Variants in SNX30 observed in about 807,000 individuals in gnomAD.
SNX30 encodes sorting nexin family member 30.
Under a neutral mutation model 46.4 loss-of-function variants are expected in SNX30, and 24 were observed. That is an observed-to-expected ratio of 0.52 (90% CI 0.37 to 0.73). The LOEUF (loss-of-function observed/expected upper bound fraction) is 0.73. Among genes scored for constraint, SNX30 ranks in the 30% least tolerant of loss-of-function variants. The probability of loss-of-function intolerance (pLI) is 0.00; values close to 1 mark genes in which losing one functional copy is unlikely to be tolerated. For synonymous variants in SNX30, 189 were observed against 211.5 expected, an observed-to-expected ratio of 0.89 and a Z score of 0.92; for missense variants, 533 against 555.7, an observed-to-expected ratio of 0.96 and a Z score of 0.41.
intron 7 of SNX30, among the ~76,000 whole-genome samples, chr9:112,859,461 A>G (rs1841192985): frequency 6.6e-6 from 1 of 152,162 alleles, no homozygotes; most frequent in Non-Finnish European, 1.5e-5. Context: ...ATTTCTTTGG[A>G]TATGTACTCA....
intron 3 of SNX30, among the ~76,000 whole-genome samples, chr9:112,827,230 G>GT (rs1840591765): frequency 6.6e-6 from 1 of 152,152 alleles, no homozygotes; most frequent in South Asian, 2.1e-4. Context: ...ACTTGTGTGT[G>GT]TTTACCCTGT....
intron 1 of SNX30, among the ~76,000 whole-genome samples, chr9:112,773,488 C>A (rs1839686353): frequency 6.6e-6 from 1 of 151,878 alleles, no homozygotes; most frequent in Non-Finnish European, 1.5e-5. Flanking sequence ...CTCCTGGGCT[C>A]AAGCAATCTT....
chr9:112,790,834 G>C (rs563266954), intron 1 of SNX30, among the ~76,000 whole-genome samples: 2 of 152,274 alleles, frequency 1.3e-5, no homozygotes, highest in South Asian at 4.1e-4. Context: ...ACAAATTTTA[G>C]ATAATTTGGG....
chr9:112,780,528 T>C (rs1300093400), intron 1 of SNX30, among the ~76,000 whole-genome samples: 2 of 152,164 alleles, frequency 1.3e-5, no homozygotes, highest in Non-Finnish European at 2.9e-5. Context: ...AAGCCTTCTA[T>C]TTGCACTTCT....
chr9:112,841,501 G>A (rs1179389272), intron 6 of SNX30, among the ~76,000 whole-genome samples: 1 of 152,184 alleles, frequency 6.6e-6, no homozygotes, highest in Non-Finnish European at 1.5e-5. Flanking sequence ...TCTTGTCTGG[G>A]GAAGGGCATG....
chr9:112,753,359 G>A (rs923522844), intron 1 of SNX30, among the ~76,000 whole-genome samples: 1 of 152,054 alleles, frequency 6.6e-6, no homozygotes, highest in East Asian at 1.9e-4. Flanking sequence ...AGGAGGGAGA[G>A]TCTTGAAGGC....
chr9:112,861,557 TG>T (rs1405192887), intron 7 of SNX30, among the ~76,000 whole-genome samples: 1 of 152,106 alleles, frequency 6.6e-6, no homozygotes, highest in East Asian at 1.9e-4. Flanking sequence ...GGAGGAAGTG[TG>T]GGGCTTTTTC....
Position 112,857,294 on chromosome 9 carries a change from C to G in SNX30, c.1101+6349C>G, listed in dbSNP as rs534860698. Among the ~76,000 whole-genome samples, 72 of 152,312 alleles carry G rather than the reference C, an allele frequency of 4.7e-4. 1 individual carries two copies. Among genetic ancestry groups the G allele is most frequent in the African/African-American group, 1.7e-3 (71 of 41,566 alleles). The stretch of plus-strand genomic sequence containing the variant: ...ATTAAAAAAGCATTCATTCAGAGAG[C>G]CACTGACTTTCTATTTGCCCAATTC... On this transcript the variant is annotated intron_variant, in intron 7 of 8. Coordinates refer to ENST00000374232, the MANE Select transcript of SNX30 (RefSeq NM_001012994.2).
chr9:112,858,302 C>G (rs555824277), intron 7 of SNX30, among the ~76,000 whole-genome samples: 2 of 152,090 alleles, frequency 1.3e-5, no homozygotes, highest in Non-Finnish European at 2.9e-5. Context: ...ATCGCCTGAG[C>G]TCAGGAGTTC....
chr9:112,787,835 C>T (rs751697369), intron 1 of SNX30, among the ~76,000 whole-genome samples: 8 of 151,236 alleles, frequency 5.3e-5, no homozygotes, highest in Admixed American at 1.3e-4. Flanking sequence ...CTCGCTCTGT[C>T]GCCCAGGGTA....
chr9:112,840,771 G>GC (rs1554755177), intron 6 of SNX30, among the ~76,000 whole-genome samples: 1 of 132,370 alleles, frequency 7.6e-6, no homozygotes, highest in African/African-American at 2.8e-5. Flanking sequence ...GAGCCACTGC[G>GC]CCTGGCTGAT....
At chr9:112,840,428 C>A (rs1840836852) in intron 6 of SNX30, among the ~76,000 whole-genome samples, 1 of 152,348 alleles carries the variant, frequency 6.6e-6, no homozygotes, top group South Asian at 2.1e-4. Context: ...GACATGCTGA[C>A]TTTCTTAAAA....
chr9:112,751,008 G>A lies in SNX30; in HGVS notation c.7G>A (p.Gly3Ser). 1 of 1,288,686 alleles carries A rather than the reference G, an allele frequency of 7.8e-7. No homozygotes were observed. Among genetic ancestry groups the A allele is most frequent in the South Asian group, 2.4e-5 (1 of 41,210 alleles). 79.8% of individuals were successfully genotyped at this position (1,288,686 alleles called of 1,614,324 possible). ...GTCCCGAGCGGTGCGCGCCATGGCGGGCGGGCCCCCCAAGGCCCTGCCGTC... is the reference window on the plus strand; with the variant it reads ...GTCCCGAGCGGTGCGCGCCATGGCGAGCGGGCCCCCCAAGGCCCTGCCGTC... MAGGPPKALPSTG... is the reference protein window; with the variant it reads MASGPPKALPSTG... Residue 3 changes from glycine (G) to serine (S), a missense_variant, in exon 1 of 9, where the codon GGC becomes AGC. By Grantham distance (56) the Gly-to-Ser change is moderately conservative (BLOSUM62 0). Transcript: ENST00000374232.
At chr9:112,837,128 G>A (rs1277376793) in intron 5 of SNX30, among the ~76,000 whole-genome samples, 1 of 152,210 alleles carries the variant, frequency 6.6e-6, no homozygotes, top group Non-Finnish European at 1.5e-5. Flanking sequence ...AAGCCATGAT[G>A]ACTGTGTTCT....
At chr9:112,791,816 C>T (rs1398209929) in intron 1 of SNX30, among the ~76,000 whole-genome samples, 1 of 152,070 alleles carries the variant, frequency 6.6e-6, no homozygotes, top group Admixed American at 6.6e-5. Context: ...GTATCTTCAA[C>T]AGTGGTTGAA....
chr9:112,757,667 T>C (rs1353760144), intron 1 of SNX30, among the ~76,000 whole-genome samples: 1 of 152,216 alleles, frequency 6.6e-6, no homozygotes, highest in Non-Finnish European at 1.5e-5. Flanking sequence ...TTGTCTTGCT[T>C]TCCCGTCCTG....
intron 3 of SNX30, among the ~76,000 whole-genome samples, chr9:112,821,451 A>ATG (rs1286495571): frequency 6.6e-6 from 1 of 151,674 alleles, no homozygotes; most frequent in Non-Finnish European, 1.5e-5. Context: ...ATGTGTATAT[A>ATG]TGTGTGTGTG....
In SNX30 at chr9:112,838,484, T is replaced by A. The variant is rs1295190390; in HGVS notation, c.815-14T>A. 1 of 1,594,278 alleles carries A rather than the reference T, an allele frequency of 6.3e-7. No individual in the cohort carries two copies. Among genetic ancestry groups the A allele is most frequent in the South Asian group, 1.1e-5 (1 of 88,970 alleles). ...ACCCAGCCAGATTTTAATTAGTTTC[T>A]GTTCCCTGTTCAGAGTACCTTGTGG... On this transcript the variant is annotated splice_polypyrimidine_tract_variant and intron_variant, in intron 5 of 8. Transcript: ENST00000374232.
intron 4 of SNX30, among the ~76,000 whole-genome samples, chr9:112,831,858 A>G (rs1012601439): frequency 6.6e-6 from 1 of 152,240 alleles, no homozygotes; most frequent in Admixed American, 6.5e-5. Context: ...ATGGGGTCAC[A>G]TGCTCAGACC....
Sources: allele counts gnomAD v4.1 joint callset (sites outside exome capture counted in the v4.1 genomes callset), GRCh38; gene constraint gnomAD v4.1.1; transcripts MANE v1.5; gene names NCBI Gene and HGNC (gene_info 2026-07-23, HGNC 2026-07-21).